EPHB1: variants seen among roughly 807,000 people sequenced by gnomAD.
EPHB1 encodes the protein ephrin type-B receptor 1.
Under a neutral mutation model 94.4 loss-of-function variants are expected in EPHB1, and 30 were observed. The ratio of observed to expected loss-of-function variants is 0.32; its 90% confidence interval spans 0.24 to 0.43. The LOEUF is 0.43. Ranked by LOEUF, EPHB1 falls within the 20% of genes least tolerant of loss-of-function variation. The pLI, the probability that EPHB1 is intolerant of heterozygous loss-of-function variation, is 1.00. For synonymous variants in EPHB1, 522 were observed against 489.1 expected (o/e 1.07, Z -0.89); for missense variants, 1,055 against 1,308.3 (o/e 0.81, Z 2.99).
intron 5 of EPHB1, among the ~76,000 whole-genome samples, chr3:135,143,851 G>A (rs1940914651): frequency 6.6e-6 from 1 of 152,218 alleles, no homozygotes; most frequent in African/African-American, 2.4e-5. Context: ...CACATTCTAA[G>A]ACATCTTTTG....
intron 1 of EPHB1, among the ~76,000 whole-genome samples, chr3:134,804,255 G>A (rs1007852373): frequency 2.0e-5 from 3 of 151,910 alleles, no homozygotes; most frequent in Non-Finnish European, 4.4e-5. Context: ...TTCTTATATG[G>A]CAGTGGTAAG....
chr3:135,258,290 G>A (rs947540231), intron 15 of EPHB1, among the ~76,000 whole-genome samples: 12 of 152,130 alleles, frequency 7.9e-5, no homozygotes, highest in African/African-American at 2.4e-4. Context: ...CTATTTTTAT[G>A]AAATGCTTTC....
Position 134,882,765 on chromosome 3 carries a change from C to CTTTCTTTCTTTCTTTCTTTCTTTCTTTCT in EPHB1, c.59-43051_59-43050insTTTCTTTCTTTCTTTCTTTCTTTCTTTCT, listed in dbSNP as rs1553861895. Among the ~76,000 whole-genome samples the CTTTCTTTCTTTCTTTCTTTCTTTCTTTCT allele has an allele frequency of 1.9e-4, 15 of 79,930 alleles. 1 individual carries two copies. Among genetic ancestry groups the CTTTCTTTCTTTCTTTCTTTCTTTCTTTCT allele is most frequent in the African/African-American group, 6.7e-4 (15 of 22,316 alleles). The allele number at this position is 79,930 out of a possible 152,430, so 52.4% of individuals were successfully genotyped here. On this transcript the variant is annotated intron_variant, in intron 1 of 15. Coordinates refer to ENST00000398015, the MANE Select transcript of EPHB1 (RefSeq NM_004441.5). ...TTCTTTCTTCCTTTCTTCCTTCCTT[C>CTTTCTTTCTTTCTTTCTTTCTTTCTTTCT]CTTTCTTTCTTTCTTTCTTTCTTTC...
intron 1 of EPHB1, among the ~76,000 whole-genome samples, chr3:134,906,579 T>A (rs916748962): frequency 1.2e-4 from 18 of 152,336 alleles, no homozygotes; most frequent in South Asian, 4.1e-4. Flanking sequence ...GTGGGAAAAT[T>A]ATATATCATG....
chr3:134,858,960 A>G (rs1469649436), intron 1 of EPHB1, among the ~76,000 whole-genome samples: 1 of 152,280 alleles, frequency 6.6e-6, no homozygotes, highest in East Asian at 1.9e-4. Flanking sequence ...ACCACCACAT[A>G]TGGGGAAAAC....
intron 3 of EPHB1, among the ~76,000 whole-genome samples, chr3:135,098,046 A>T (rs146521481): frequency 2.6e-3 from 388 of 150,856 alleles, no homozygotes; most frequent in African/African-American, 8.8e-3. Flanking sequence ...ACGGCAACCC[A>T]CTCTCCCCTT....
chr3:134,840,254 C>A (rs2036751725), intron 1 of EPHB1, among the ~76,000 whole-genome samples: 1 of 152,144 alleles, frequency 6.6e-6, no homozygotes, highest in African/African-American at 2.4e-5. Context: ...GGTTGACCTA[C>A]AGAAGGTGCT....
chr3:135,103,964 T>C (rs1444511347), intron 3 of EPHB1, among the ~76,000 whole-genome samples: 5 of 152,254 alleles, frequency 3.3e-5, no homozygotes, highest in Admixed American at 3.3e-4. Context: ...TTGTTTATGC[T>C]GTTAACTTAT....
At chr3:135,155,589 C>T (rs1112765) in intron 6 of EPHB1, among the ~76,000 whole-genome samples, 55 of 151,756 alleles carry the variant, frequency 3.6e-4, no homozygotes, top group African/African-American at 1.2e-3. Context: ...AGATCAGTGG[C>T]GCTCAGGAGT....
chr3:134,854,161 T>C (rs934175473), intron 1 of EPHB1, among the ~76,000 whole-genome samples: 1 of 152,112 alleles, frequency 6.6e-6, no homozygotes, highest in Non-Finnish European at 1.5e-5. Flanking sequence ...CTGGGAGTAA[T>C]TGTGCGATAG....
At chr3:135,005,359 A>G (rs1027242244) in intron 3 of EPHB1, among the ~76,000 whole-genome samples, 1 of 152,220 alleles carries the variant, frequency 6.6e-6, no homozygotes, top group East Asian at 1.9e-4. Flanking sequence ...TGCTCTCTTC[A>G]AAGCTGTCAG....
chr3:134,971,264 A>C (rs968927037), intron 3 of EPHB1, among the ~76,000 whole-genome samples: 3 of 152,248 alleles, frequency 2.0e-5, no homozygotes, highest in African/African-American at 7.2e-5. Flanking sequence ...GAGTGGGTTT[A>C]GTGGATTCTT....
At chr3:134,916,756 G>A (rs1267779187) in intron 1 of EPHB1, among the ~76,000 whole-genome samples, 5 of 126,024 alleles carry the variant, frequency 4.0e-5, no homozygotes, top group African/African-American at 1.8e-4. Flanking sequence ...CACACCTCCC[G>A]GCAAGCCAAG....
At chr3:134,811,147 G>A (rs2036166155) in intron 1 of EPHB1, among the ~76,000 whole-genome samples, 2 of 151,284 alleles carry the variant, frequency 1.3e-5, no homozygotes, top group African/African-American at 4.8e-5. Flanking sequence ...GGCTGGGGCT[G>A]TGGTGTCCAG....
chr3:135,007,501 T>G (rs948751738), intron 3 of EPHB1, among the ~76,000 whole-genome samples: 2 of 152,322 alleles, frequency 1.3e-5, no homozygotes, highest in East Asian at 3.9e-4. Context: ...TCGTATTATC[T>G]TGTGGCTTCC....
chr3:135,229,201 C>T (rs576643932), intron 12 of EPHB1, among the ~76,000 whole-genome samples: 58 of 152,312 alleles, frequency 3.8e-4, no homozygotes, highest in African/African-American at 1.3e-3. Context: ...GGAGCAGCTC[C>T]GTCAGCACTG....
intron 3 of EPHB1, among the ~76,000 whole-genome samples, chr3:135,011,926 G>A (rs1576315533): frequency 6.6e-6 from 1 of 152,008 alleles, no homozygotes; most frequent in Admixed American, 6.6e-5. Context: ...CAAGAGAATA[G>A]GGTATAGAAA....
chr3:135,030,195 T>C (rs1456144232), intron 3 of EPHB1, among the ~76,000 whole-genome samples: 1 of 152,212 alleles, frequency 6.6e-6, no homozygotes, highest in East Asian at 1.9e-4. Flanking sequence ...CAGAGTAATT[T>C]GATCGTCTGA....
intron 1 of EPHB1, among the ~76,000 whole-genome samples, chr3:134,890,667 C>G (rs1423211370): frequency 6.6e-6 from 1 of 152,092 alleles, no homozygotes; most frequent in Non-Finnish European, 1.5e-5. Flanking sequence ...TTGACTATTC[C>G]CTAATGAATG....
Sources: gnomAD v4.1 joint callset for allele counts (sites outside exome capture counted in the v4.1 genomes callset) on GRCh38, gnomAD v4.1.1 for gene constraint, MANE v1.5 for transcripts, NCBI Gene and HGNC (gene_info 2026-07-23, HGNC 2026-07-21) for gene names.